ADAMTS17: variants seen among roughly 807,000 people sequenced by gnomAD.
ADAMTS17 encodes A disintegrin and metalloproteinase with thrombospondin motifs 17.
In ADAMTS17, 113 loss-of-function variants were observed where a neutral mutation model predicts 141.5. The observed-to-expected ratio is 0.80, with a 90% CI of 0.69 to 0.93. The LOEUF (loss-of-function observed/expected upper bound fraction) is 0.93, where lower values mean the gene tolerates loss of function less well. Ranked by LOEUF, ADAMTS17 falls within the 40% of genes least tolerant of loss-of-function variation. The pLI is 0.00. For missense variants in ADAMTS17, 1,659 were observed against 1,517.9 expected (o/e 1.09, Z -1.54); for synonymous variants, 768 against 630.6 (o/e 1.22, Z -3.27).
chr15:100,294,614 C>T (rs780550511), intron 3 of ADAMTS17, among the ~76,000 whole-genome samples: 20 of 151,638 alleles, frequency 1.3e-4, no homozygotes, highest in African/African-American at 4.1e-4. Flanking sequence ...AGGCTGAGGT[C>T]GGAGGATCAC....
In ADAMTS17 at chr15:99,976,226, C is replaced by T. The variant is rs1460193685; in HGVS notation, c.2950-4G>A. 3 of 1,544,370 alleles carry T rather than the reference C, an allele frequency of 1.9e-6. No individual in the cohort carries two copies. The highest frequency in any genetic ancestry group is 2.6e-6 in the Non-Finnish European group (3 of 1,146,958). ...CCTTCCCGCAGGTCGACGAGCACTGCAGAGACAGGACAGCCTGAGTGGGGC... is the reference window on the plus strand; with the variant it reads ...CCTTCCCGCAGGTCGACGAGCACTGTAGAGACAGGACAGCCTGAGTGGGGC... On this transcript the variant is annotated splice_region_variant and splice_polypyrimidine_tract_variant and intron_variant, in intron 20 of 21. Coordinates refer to ENST00000268070, the MANE Select transcript of ADAMTS17 (RefSeq NM_139057.4).
chr15:100,252,630 C>T (rs1018686658), intron 7 of ADAMTS17, among the ~76,000 whole-genome samples: 2 of 152,160 alleles, frequency 1.3e-5, no homozygotes, highest in Admixed American at 6.5e-5. Flanking sequence ...TCAGCCGGTA[C>T]AAGTATCCAT....
At chr15:100,081,055 A>G (rs1038669511) in intron 15 of ADAMTS17, among the ~76,000 whole-genome samples, 10 of 152,212 alleles carry the variant, frequency 6.6e-5, no homozygotes, top group East Asian at 3.8e-4. Context: ...GGTGTTGCCA[A>G]AAGAGTTTAA....
At chr15:100,006,738 C>T (rs2141382564) in intron 18 of ADAMTS17, among the ~76,000 whole-genome samples, 1 of 152,330 alleles carries the variant, frequency 6.6e-6, no homozygotes, top group South Asian at 2.1e-4. Context: ...AATCTCTGTG[C>T]TAGGAATGTT....
chr15:100,323,145 TG>T (rs1291126152), intron 3 of ADAMTS17, among the ~76,000 whole-genome samples: 1 of 150,006 alleles, frequency 6.7e-6, no homozygotes, highest in Non-Finnish European at 1.5e-5. Context: ...AAAAATTATA[TG>T]AAAAAATAAA....
intron 14 of ADAMTS17, among the ~76,000 whole-genome samples, chr15:100,108,604 G>A (rs779899156): frequency 6.6e-5 from 10 of 152,302 alleles, no homozygotes; most frequent in South Asian, 2.1e-4. Context: ...TCTGCCTGGC[G>A]TGACCTGCAC....
intron 8 of ADAMTS17, among the ~76,000 whole-genome samples, chr15:100,157,787 G>A (rs1458487184): frequency 6.6e-6 from 1 of 152,070 alleles, no homozygotes; most frequent in Non-Finnish European, 1.5e-5. Context: ...ATTCAGTCTC[G>A]TCCTCATGCC....
At chr15:100,031,747 T>C (rs764736996) in intron 18 of ADAMTS17, among the ~76,000 whole-genome samples, 2 of 152,222 alleles carry the variant, frequency 1.3e-5, no homozygotes, top group African/African-American at 4.8e-5. Context: ...ATTTATCTGT[T>C]CAAATGACTT....
chr15:100,101,666 CAT>C (rs1234154425), intron 14 of ADAMTS17, among the ~76,000 whole-genome samples: 5 of 152,352 alleles, frequency 3.3e-5, no homozygotes, highest in African/African-American at 1.2e-4. Flanking sequence ...GTATTAAGCA[CAT>C]GTGTGTTCAG....
chr15:100,279,643 A>G (rs11247180), intron 4 of ADAMTS17, among the ~76,000 whole-genome samples: 116,762 of 152,168 alleles, frequency 0.77, 45,277 homozygotes, highest in East Asian at 0.95. Flanking sequence ...AGCAGACTGA[A>G]AGAGGTTCTT....
intron 4 of ADAMTS17, among the ~76,000 whole-genome samples, chr15:100,267,335 C>G (rs1451420206): frequency 6.6e-6 from 1 of 152,100 alleles, no homozygotes. Flanking sequence ...GGATAATATT[C>G]CATTGTATGG....
intron 3 of ADAMTS17, among the ~76,000 whole-genome samples, chr15:100,289,559 C>G (rs1427123773): frequency 6.6e-6 from 1 of 151,778 alleles, no homozygotes; most frequent in Non-Finnish European, 1.5e-5. Context: ...CACACACACA[C>G]ACACACACAC....
intron 8 of ADAMTS17, among the ~76,000 whole-genome samples, chr15:100,193,529 GA>G (rs1225479027): frequency 1.3e-5 from 2 of 152,158 alleles, no homozygotes; most frequent in African/African-American, 4.8e-5. Context: ...GAGCAACAAC[GA>G]GACACCTCCA....
At chr15:100,132,610 G>C (rs1473960581) in intron 11 of ADAMTS17, among the ~76,000 whole-genome samples, 1 of 152,216 alleles carries the variant, frequency 6.6e-6, no homozygotes, top group Non-Finnish European at 1.5e-5. Flanking sequence ...CTCAAGGCCA[G>C]CCCTATAAAA....
chr15:100,080,472 A>T (rs1279905511), intron 15 of ADAMTS17, among the ~76,000 whole-genome samples: 1 of 152,188 alleles, frequency 6.6e-6, no homozygotes, highest in Non-Finnish European at 1.5e-5. Context: ...GGTCAATGGG[A>T]AACTACAACA....
At chr15:100,131,084 G>A (rs996423704) in intron 12 of ADAMTS17, among the ~76,000 whole-genome samples, 31 of 152,208 alleles carry the variant, frequency 2.0e-4, no homozygotes, top group African/African-American at 6.5e-4. Context: ...GGATGAAGCT[G>A]AAAAACATCA....
intron 12 of ADAMTS17, among the ~76,000 whole-genome samples, chr15:100,124,978 G>A (rs930562107): frequency 1.3e-5 from 2 of 152,208 alleles, no homozygotes; most frequent in African/African-American, 4.8e-5. Context: ...GTAGAATCAA[G>A]AGAGGCTGGA....
At chr15:100,002,600 C>T (rs370921678) in intron 18 of ADAMTS17, among the ~76,000 whole-genome samples, 1 of 152,058 alleles carries the variant, frequency 6.6e-6, no homozygotes, top group African/African-American at 2.4e-5. Context: ...TGCGGGGAAA[C>T]AGAGTCAAGA....
rs1311990678 is a variant in ADAMTS17 at position 99,993,780 on chromosome 15, A to C, written c.2797-580T>G. Among the ~76,000 whole-genome samples the C allele has an allele frequency of 6.6e-6, 1 of 152,178 alleles. No homozygotes were observed. Among genetic ancestry groups the C allele is most frequent in the Non-Finnish European group, 1.5e-5 (1 of 68,020 alleles). On this transcript the variant is annotated intron_variant, in intron 19 of 21. Transcript: ENST00000268070. The surrounding 1 kb of genome is among the most constrained non-coding windows in gnomAD (Gnocchi z 4.3). Reference sequence around the variant, plus strand: ...AAGCCTTTGCAGAGAGCTCCAGTGAATGTCTGAATGCAGACACCAAGAATG... The same window carrying C: ...AAGCCTTTGCAGAGAGCTCCAGTGACTGTCTGAATGCAGACACCAAGAATG...
Sources: gnomAD v4.1 joint callset for allele counts (sites outside exome capture counted in the v4.1 genomes callset) on GRCh38, gnomAD v4.1.1 for gene constraint, Gnocchi (gnomAD v3.1) non-coding constraint, MANE v1.5 for transcripts, NCBI Gene and HGNC (gene_info 2026-07-23, HGNC 2026-07-21) for gene names.